The following P2RY8 variants were observed in gnomAD, a reference collection of about 807,000 sequenced individuals.
The protein encoded by P2RY8 is S-geranylgeranyl-glutathione receptor P2RY8.
P2RY8 carries 6 observed loss-of-function variants against 10.0 expected under a neutral mutation model. The observed-to-expected ratio is 0.60, with a 90% confidence interval of 0.33 to 1.19. The LOEUF (loss-of-function observed/expected upper bound fraction) is 1.19, where lower values mean the gene tolerates loss of function less well. Ranked by LOEUF, P2RY8 falls within the 50% of genes most tolerant of loss-of-function variation. P2RY8 has a pLI of 0.04. For missense variants in P2RY8, 456 were observed against 542.0 expected (o/e 0.84, Z 1.58); for synonymous variants, 276 against 252.5 (o/e 1.09, Z -0.88).
At chrX:1,471,257 C>G (rs1295291641) in intron 1 of P2RY8, among the ~76,000 whole-genome samples, 1 of 149,964 alleles carries the variant, frequency 6.7e-6, no homozygotes, top group Admixed American at 6.7e-5. Flanking sequence ...ATCCACCCTC[C>G]TCAGTCTCCC....
chrX:1,496,055 T>C (rs191298941), intron 1 of P2RY8, among the ~76,000 whole-genome samples: 2 of 152,170 alleles, frequency 1.3e-5, no homozygotes, highest in African/African-American at 4.8e-5. Context: ...AAACAATGTC[T>C]GTTGTTTACA....
At chrX:1,520,356 C>G (rs2092381902) in intron 1 of P2RY8, among the ~76,000 whole-genome samples, 1 of 151,282 alleles carries the variant, frequency 6.6e-6, no homozygotes, top group African/African-American at 2.4e-5. Flanking sequence ...AATAATGTCC[C>G]TGGTTTCCAA....
intron 1 of P2RY8, among the ~76,000 whole-genome samples, chrX:1,469,308 C>CAT (rs2091751100): frequency 6.6e-6 from 1 of 150,748 alleles, no homozygotes; most frequent in Non-Finnish European, 1.5e-5. Flanking sequence ...GGATTACATG[C>CAT]ATGCACCACC....
At chrX:1,505,987 CTTTTTTT>C (rs542485545) in intron 1 of P2RY8, among the ~76,000 whole-genome samples, 22,464 of 108,842 alleles carry the variant, frequency 0.21, 1,858 homozygotes, top group Admixed American at 0.32. Context: ...TTTCTTTCTT[CTTTTTTT>C]TTTTTTTTTT....
chrX:1,497,036 T>A (rs1278647707), intron 1 of P2RY8, among the ~76,000 whole-genome samples: 2 of 147,988 alleles, frequency 1.4e-5, no homozygotes, highest in East Asian at 4.2e-4. Context: ...CTGATCAACA[T>A]GGTGAAACCC....
At chrX:1,501,891 C>T (rs28507420) in intron 1 of P2RY8, among the ~76,000 whole-genome samples, 4 of 151,782 alleles carry the variant, frequency 2.6e-5, no homozygotes, top group Non-Finnish European at 4.4e-5. Flanking sequence ...CCACGCCCGG[C>T]GAGTTTTCAT....
At position 1,465,595 on chromosome X, in the gene P2RY8, G is replaced by C; in HGVS notation, c.964C>G (p.Arg322Gly). 1 of 1,613,066 alleles carries C rather than the reference G, an allele frequency of 6.2e-7. No homozygotes were observed. The highest frequency in any genetic ancestry group is 1.1e-5 in the South Asian group (1 of 91,076). ...GTCCTGGCGGAGAAGAGGCTCTCGCGGCGCGTGTCCAGGGTGTCTCTGGGC... is the reference window on the plus strand; with the variant it reads ...GTCCTGGCGGAGAAGAGGCTCTCGCCGCGCGTGTCCAGGGTGTCTCTGGGC... ...RVPRDTLDTR[R>G]ESLFSARTTS... is the part of the protein sequence containing the mutation. Residue 322 changes from arginine (R) to glycine (G), a missense_variant, in exon 2 of 2, where the codon CGC becomes GGC. Arg to Gly is a moderately radical substitution (Grantham distance 125, BLOSUM62 -2). Coordinates refer to ENST00000381297, the MANE Select transcript of P2RY8 (RefSeq NM_178129.5).
At chrX:1,505,705 G>T (rs1296167838) in intron 1 of P2RY8, among the ~76,000 whole-genome samples, 1 of 152,008 alleles carries the variant, frequency 6.6e-6, no homozygotes, top group Non-Finnish European at 1.5e-5. Context: ...CAGGAGAATC[G>T]CTTGAACCAG....
Position 1,465,376 on chromosome X carries a change from A to T in P2RY8, c.*103T>A. The T allele has an allele frequency of 6.7e-7, 1 of 1,495,638 alleles. No homozygotes were observed. The highest frequency in any genetic ancestry group is 1.3e-5 in the South Asian group (1 of 74,870). The allele number at this position is 1,495,638 out of a possible 1,614,324, so 92.6% of individuals were successfully genotyped here. ...CCACCGGGCCTCTGCAGTGCCTGGGAGCAACGCAGCTGTTCTCCCTGAACC... is the reference window on the plus strand; with the variant it reads ...CCACCGGGCCTCTGCAGTGCCTGGGTGCAACGCAGCTGTTCTCCCTGAACC... On this transcript the variant is annotated 3_prime_UTR_variant, in exon 2 of 2. Transcript: ENST00000381297.
chrX:1,509,111 C>CTATGTATG (rs1461481374), intron 1 of P2RY8, among the ~76,000 whole-genome samples: 5 of 131,210 alleles, frequency 3.8e-5, no homozygotes, highest in Non-Finnish European at 8.0e-5. Flanking sequence ...ATCTATCTAT[C>CTATGTATG]TATCTATCTA....
intron 1 of P2RY8, among the ~76,000 whole-genome samples, chrX:1,467,778 G>A (rs1451798515): frequency 6.6e-6 from 1 of 152,214 alleles, no homozygotes; most frequent in East Asian, 1.9e-4. Context: ...CTGGCCTCAA[G>A]CAATCCTCCT....
intron 1 of P2RY8, among the ~76,000 whole-genome samples, chrX:1,491,004 G>A (rs1318253683): frequency 1.3e-5 from 2 of 151,042 alleles, no homozygotes; most frequent in East Asian, 2.0e-4. Context: ...CCCCACAAAT[G>A]TGGGGGGAAT....
chrX:1,500,380 T>C (rs1235405118), intron 1 of P2RY8, among the ~76,000 whole-genome samples: 3 of 151,760 alleles, frequency 2.0e-5, no homozygotes, highest in Non-Finnish European at 4.4e-5. Flanking sequence ...TGGGTTCTAG[T>C]GATCCTCCCA....
At chrX:1,485,342 T>G (rs1238974068) in intron 1 of P2RY8, among the ~76,000 whole-genome samples, 1 of 152,096 alleles carries the variant, frequency 6.6e-6, no homozygotes, top group East Asian at 1.9e-4. Flanking sequence ...TTGTACCATG[T>G]TGCCCAGGCT....
intron 1 of P2RY8, among the ~76,000 whole-genome samples, chrX:1,486,725 C>G (rs1407768984): frequency 3.9e-5 from 6 of 152,244 alleles, no homozygotes; most frequent in East Asian, 1.9e-4. Flanking sequence ...CAAGCATAAT[C>G]TCAACAAGAA....
chrX:1,531,483 G>C (rs1437093526), intron 1 of P2RY8, among the ~76,000 whole-genome samples: 1 of 152,110 alleles, frequency 6.6e-6, no homozygotes, highest in Non-Finnish European at 1.5e-5. Context: ...AGCCCGAGGG[G>C]TTAGCATGCT....
chrX:1,520,317 C>T (rs1362483088), intron 1 of P2RY8, among the ~76,000 whole-genome samples: 1 of 151,148 alleles, frequency 6.6e-6, no homozygotes, highest in African/African-American at 2.4e-5. Flanking sequence ...CTAATATTGT[C>T]TCTAGTCCTC....
intron 1 of P2RY8, among the ~76,000 whole-genome samples, chrX:1,469,847 C>T (rs1449492940): frequency 2.0e-5 from 3 of 151,896 alleles, no homozygotes; most frequent in Admixed American, 6.6e-5. Context: ...TGCAGTGAGC[C>T]GAGATCGCAC....
chrX:1,497,201 G>T (rs1440921417), intron 1 of P2RY8, among the ~76,000 whole-genome samples: 2 of 119,818 alleles, frequency 1.7e-5, no homozygotes, highest in African/African-American at 3.5e-5. Context: ...CAGCCTGGGG[G>T]ACAGAGTGGG....
Sources: gnomAD v4.1 joint callset for allele counts (sites outside exome capture counted in the v4.1 genomes callset) on GRCh38, gnomAD v4.1.1 for gene constraint, MANE v1.5 for transcripts, NCBI Gene and HGNC (gene_info 2026-07-23, HGNC 2026-07-21) for gene names.